Variants in MORN1 observed in about 807,000 individuals in gnomAD.
The protein encoded by MORN1 is MORN repeat-containing protein 1.
MORN1 carries 67 observed loss-of-function variants against 61.9 expected under a neutral mutation model. That is an observed-to-expected ratio of 1.08 (90% CI 0.89 to 1.33). The LOEUF (loss-of-function observed/expected upper bound fraction) is 1.33. MORN1 is among the 40% of genes most tolerant of loss of function. The pLI, the probability that MORN1 is intolerant of heterozygous loss-of-function variation, is 0.00. For missense variants in MORN1, 752 were observed against 691.2 expected (o/e 1.09, Z -0.99); for synonymous variants, 301 against 292.0 (o/e 1.03, Z -0.31).
intron 11 of MORN1, 55 bp from the exon 12 acceptor site, chr1:2,336,603 G>A (rs555444400): frequency 1.9e-6 from 3 of 1,603,848 alleles, no homozygotes; most frequent in East Asian, 4.5e-5. Context: ...GGTGGGCCTA[G>A]GAGCTCTGCT....
At chr1:2,379,467 C>T (rs1213310247) in intron 6 of MORN1, among the ~76,000 whole-genome samples, 2 of 152,106 alleles carry the variant, frequency 1.3e-5, no homozygotes, top group Admixed American at 1.3e-4. Flanking sequence ...GTTTAAGCTC[C>T]CAGGGAAGAA....
chr1:2,373,286 G>A (rs1394168044), intron 7 of MORN1, among the ~76,000 whole-genome samples: 2 of 152,232 alleles, frequency 1.3e-5, no homozygotes, highest in African/African-American at 4.8e-5. Flanking sequence ...ACAGGGTGGC[G>A]GGTGCCCCGG....
intron 10 of MORN1, among the ~76,000 whole-genome samples, chr1:2,339,713 C>A (rs1186738951): frequency 1.3e-5 from 2 of 152,202 alleles, no homozygotes; most frequent in African/African-American, 4.8e-5. Context: ...CCCCCTCGCC[C>A]TTCAGTCCAT....
At chr1:2,325,286 T>TACTCTCTCTCTCTCTCTCTTTTTCTCTCC (rs1641000997) in intron 12 of MORN1, among the ~76,000 whole-genome samples, 1 of 87,300 alleles carries the variant, frequency 1.1e-5, no homozygotes, top group Non-Finnish European at 2.2e-5. Flanking sequence ...TCTCTCTCTC[T>TACTCTCTCTCTCTCTCTCTTTTTCTCTCC]CCTCTCTCTC....
At chr1:2,365,383 T>C (rs10910057) in intron 8 of MORN1, among the ~76,000 whole-genome samples, 98,057 of 120,880 alleles carry the variant, frequency 0.81, 40,318 homozygotes, top group African/African-American at 0.91. Flanking sequence ...TATAAGAATG[T>C]TTGTGATTTT....
chr1:2,382,922 C>T (rs995681656), intron 6 of MORN1, among the ~76,000 whole-genome samples: 2 of 152,296 alleles, frequency 1.3e-5, no homozygotes, highest in Non-Finnish European at 1.5e-5. Flanking sequence ...GTTTCAAGAG[C>T]AGGGAGGGTG....
intron 13 of MORN1, chr1:2,323,053 C>A: frequency 1.0e-6 from 1 of 985,454 alleles, no homozygotes; most frequent in Middle Eastern, 5.2e-4. Flanking sequence ...AGCACATAAA[C>A]CCTGGCCGAG....
intron 8 of MORN1, among the ~76,000 whole-genome samples, chr1:2,369,499 G>C (rs151052660): frequency 6.6e-6 from 1 of 152,086 alleles, no homozygotes; most frequent in African/African-American, 2.4e-5. Context: ...AAGTAAAACT[G>C]TATTTATTTA....
At chr1:2,328,843 A>C (rs1456886069) in intron 12 of MORN1, among the ~76,000 whole-genome samples, 1 of 152,116 alleles carries the variant, frequency 6.6e-6, no homozygotes, top group Non-Finnish European at 1.5e-5. Flanking sequence ...ATGTGCCGGC[A>C]CCAGGGAGGC....
chr1:2,370,400 C>T (rs1413798872), intron 8 of MORN1, among the ~76,000 whole-genome samples: 3 of 152,268 alleles, frequency 2.0e-5, no homozygotes, highest in South Asian at 2.1e-4. Flanking sequence ...TGGAGGGATA[C>T]GAGAAAATCT....
rs760078327 is a variant in MORN1 at position 2,385,025 on chromosome 1, G to A, written c.490C>T (p.Arg164Cys). The change falls in exon 6 of 14, where the codon CGT (arginine) becomes TGT (cysteine). Residue 164 changes from arginine (R) to cysteine (C), a missense_variant. Transcript: ENST00000378531. ...KYDGDWVRDR[R>C]QGHGVLRCAD... is the part of the protein sequence containing the mutation. ...CAGCGCAGCACCCCGTGTCCCTGAC[G>A]CCGGTCCCGGACCCAGTCGCCGTCG... 3.0e-5 allele frequency: 48 copies of A among 1,599,540 alleles called. No individual in the cohort carries two copies. The highest frequency in any genetic ancestry group is 3.6e-5 in the Non-Finnish European group (42 of 1,174,732).
Position 2,372,345 on chromosome 1 carries a change from C to A in MORN1, c.745+136G>T. 3 of 673,786 alleles carry A rather than the reference C, an allele frequency of 4.5e-6. No homozygotes were observed. The highest frequency in any genetic ancestry group is 5.0e-6 in the Non-Finnish European group (2 of 397,952). 41.7% of individuals were successfully genotyped at this position (673,786 alleles called of 1,614,324 possible). A position where few individuals can be genotyped will look rare whatever the true frequency, so the allele number is the denominator to read the frequency against. On this transcript the variant is annotated intron_variant, in intron 8 of 13. Coordinates refer to ENST00000378531, the MANE Select transcript of MORN1 (RefSeq NM_024848.3). This position sits in a 1 kb window ranked among gnomAD's most constrained non-coding sequence, Gnocchi z 5.4. ...AGCTGGCACACCTGCGACCTCTCTG[C>A]CAGGCTCTGGGCACGAAGTCACTGC...
At chr1:2,345,204 G>A (rs1167410003) in intron 10 of MORN1, among the ~76,000 whole-genome samples, 4 of 152,246 alleles carry the variant, frequency 2.6e-5, no homozygotes, top group Admixed American at 6.5e-5. Context: ...CCGCACCCTC[G>A]CACAGGCATG....
At chr1:2,330,822 G>A (rs551014213) in intron 12 of MORN1, among the ~76,000 whole-genome samples, 6 of 152,322 alleles carry the variant, frequency 3.9e-5, no homozygotes, top group East Asian at 1.9e-4. Context: ...ATGGAATGAG[G>A]ATTTCTGGGG....
Position 2,382,466 on chromosome 1 carries a change from C to T in MORN1, c.537+2512G>A, listed in dbSNP as rs1387743696. Among the ~76,000 whole-genome samples, 6 of 152,218 alleles carry T rather than the reference C, an allele frequency of 3.9e-5. No individual in the cohort carries two copies. In the East Asian group the frequency reaches 1.2e-3, roughly 29 times the overall value. On this transcript the variant is annotated intron_variant, in intron 6 of 13. Transcript: ENST00000378531. ...GAAACCACACACCCGAGCCCAAGCT[C>T]CAGAGCTGTGCACCAGCGCCGGCCC...
intron 10 of MORN1, among the ~76,000 whole-genome samples, chr1:2,339,978 C>A (rs1040721028): frequency 6.6e-6 from 1 of 152,268 alleles, no homozygotes; most frequent in African/African-American, 2.4e-5. Context: ...GCGCCTCCGC[C>A]GCGCGGCTTC....
At chr1:2,387,369 G>A (rs1406197287) in intron 4 of MORN1, 50 bp downstream of exon 4, 1 of 1,353,462 alleles carries the variant, frequency 7.4e-7, no homozygotes, top group Non-Finnish European at 1.1e-6. Context: ...AGGATTCCAT[G>A]TCCTGAAAGC....
Position 2,391,516 on chromosome 1 carries a change from C to A in MORN1, c.18G>T (p.Glu6Asp). The A allele has an allele frequency of 8.0e-7, 1 of 1,250,276 alleles. No individual in the cohort carries two copies. The highest frequency in any genetic ancestry group is 3.5e-5 in the South Asian group (1 of 28,900). The allele number at this position is 1,250,276 out of a possible 1,614,324, so 77.4% of individuals were successfully genotyped here. A position where few individuals can be genotyped will look rare whatever the true frequency, so the allele number is the denominator to read the frequency against. The change falls in exon 1 of 14, where the codon GAG becomes GAT. Residue 6 changes from glutamate (E) to aspartate (D), a missense_variant. Glu to Asp is a conservative substitution (Grantham distance 45). Coordinates refer to ENST00000378531, the MANE Select transcript of MORN1 (RefSeq NM_024848.3). Reference sequence around the variant, plus strand: ...GCGGCCCGCGGGAGCTCGGGGTGCCCTCGCCCGCCGCTGCCATCTTGCCGC... The same window carrying A: ...GCGGCCCGCGGGAGCTCGGGGTGCCATCGCCCGCCGCTGCCATCTTGCCGC... The part of the protein sequence containing the change: MAAAG[E>D]GTPSSRGPRR...
intron 6 of MORN1, among the ~76,000 whole-genome samples, chr1:2,384,497 T>C (rs796851035): frequency 2.0e-5 from 3 of 152,324 alleles, no homozygotes; most frequent in African/African-American, 7.2e-5. Context: ...AAGCTCCCTT[T>C]TGTAAGAAAA....
Sources: gnomAD v4.1 joint callset for allele counts (sites outside exome capture counted in the v4.1 genomes callset) on GRCh38, gnomAD v4.1.1 for gene constraint, Gnocchi (gnomAD v3.1) non-coding constraint, MANE v1.5 for transcripts, NCBI Gene and HGNC (gene_info 2026-07-23, HGNC 2026-07-21) for gene names.